The following GAS7 variants were observed in gnomAD, a reference collection of about 807,000 sequenced individuals.
GAS7 encodes growth arrest-specific protein 7.
A neutral mutation model predicts 71.1 loss-of-function variants in GAS7; 28 were observed. That is an observed-to-expected ratio of 0.39 (90% CI 0.29 to 0.54). The LOEUF is 0.54. GAS7 is among the 20% of genes least tolerant of loss of function. GAS7 has a pLI of 0.62. For synonymous variants in GAS7, 258 were observed against 245.8 expected (o/e 1.05, Z -0.46); for missense variants, 436 against 627.8 (o/e 0.69, Z 3.27).
intron 1 of GAS7, among the ~76,000 whole-genome samples, chr17:10,095,454 G>C (rs890767599): frequency 1.3e-5 from 2 of 152,084 alleles, no homozygotes; most frequent in Non-Finnish European, 2.9e-5. Context: ...GAGTCACCAC[G>C]GCTGGCCTGT....
chr17:10,056,582 G>A (rs776468352), intron 1 of GAS7, among the ~76,000 whole-genome samples: 8 of 151,732 alleles, frequency 5.3e-5, no homozygotes, highest in South Asian at 2.1e-4. Context: ...TAAAATATCC[G>A]TCAAATGGGC....
chr17:10,006,581 G>A (rs1355132226), intron 2 of GAS7, among the ~76,000 whole-genome samples: 5 of 151,820 alleles, frequency 3.3e-5, no homozygotes, highest in South Asian at 2.1e-4. Context: ...CACCTGCCTC[G>A]GCCTCCCAAA....
At chr17:10,060,946 A>G (rs941203477) in intron 1 of GAS7, among the ~76,000 whole-genome samples, 3 of 152,316 alleles carry the variant, frequency 2.0e-5, no homozygotes, top group Admixed American at 2.0e-4. Context: ...GAGTGAGTGC[A>G]TTAGCTCCCT....
chr17:10,186,810 C>T (rs1176125239), intron 1 of GAS7, among the ~76,000 whole-genome samples: 3 of 152,094 alleles, frequency 2.0e-5, no homozygotes, highest in African/African-American at 7.2e-5. Context: ...ATCACTTGAA[C>T]CCGGGAGGCA....
intron 1 of GAS7, among the ~76,000 whole-genome samples, chr17:10,190,267 C>T (rs1180067594): frequency 1.3e-5 from 2 of 152,246 alleles, no homozygotes; most frequent in East Asian, 1.9e-4. Flanking sequence ...TTTGCCAACG[C>T]AAGTTAAGAA....
chr17:10,097,939 G>A lies in GAS7; in HGVS notation c.184-78042C>T, dbSNP rs1020767546. 3.3e-5 allele frequency among the ~76,000 whole-genome samples: 5 copies of A among 151,988 alleles called. 1 individual carries two copies. Among genetic ancestry groups the A allele is most frequent in the African/African-American group, 1.2e-4 (5 of 41,364 alleles). On this transcript the variant is annotated intron_variant, in intron 1 of 13. Coordinates refer to ENST00000432992, the MANE Select transcript of GAS7 (RefSeq NM_201433.2). ...GGCGACTGTAATCCCAGCTATTTGG[G>A]AGGCTGAGACAGGAGAATCACTTGA...
chr17:10,078,067 G>A (rs966420329), intron 1 of GAS7, among the ~76,000 whole-genome samples: 13 of 116,180 alleles, frequency 1.1e-4, no homozygotes, highest in Admixed American at 6.0e-4. Flanking sequence ...GTGTGTGTGT[G>A]TGTGTGTGTG....
At chr17:10,122,109 G>A (rs1163007697) in intron 1 of GAS7, among the ~76,000 whole-genome samples, 1 of 152,128 alleles carries the variant, frequency 6.6e-6, no homozygotes, top group African/African-American at 2.4e-5. Context: ...TAAACAGAGG[G>A]AGGACACGAC....
chr17:10,008,767 G>T (rs892569719), intron 2 of GAS7, among the ~76,000 whole-genome samples: 11 of 149,298 alleles, frequency 7.4e-5, no homozygotes, highest in African/African-American at 2.2e-4. Context: ...TTAGGCTGGC[G>T]CTCTCTCTCT....
chr17:10,149,779 C>G (rs2074149712), intron 1 of GAS7, among the ~76,000 whole-genome samples: 1 of 152,162 alleles, frequency 6.6e-6, no homozygotes, highest in South Asian at 2.1e-4. Context: ...GAATGAAGTG[C>G]TGATGCATGT....
intron 1 of GAS7, among the ~76,000 whole-genome samples, chr17:10,068,892 T>C (rs972732314): frequency 2.0e-5 from 3 of 152,152 alleles, no homozygotes; most frequent in African/African-American, 7.2e-5. Context: ...AGCAGTCACA[T>C]AGGATGTGCC....
chr17:10,126,987 C>G lies in GAS7; in HGVS notation c.183+71221G>C, dbSNP rs181001159. The stretch of plus-strand genomic sequence containing the variant: ...GAGTCTAGAAACCTGGGTGTGAGTG[C>G]AGGCTGTTTACTGGCCTGAAGGTTG... On this transcript the variant is annotated intron_variant, in intron 1 of 13. Transcript: ENST00000432992. Among the ~76,000 whole-genome samples, 5 of 152,324 alleles carry G rather than the reference C, an allele frequency of 3.3e-5. No homozygotes were observed. In the East Asian group the frequency reaches 9.6e-4, roughly 29 times the overall value.
intron 1 of GAS7, among the ~76,000 whole-genome samples, chr17:10,054,225 G>A (rs2073103579): frequency 6.6e-6 from 1 of 151,922 alleles, no homozygotes; most frequent in East Asian, 1.9e-4. Flanking sequence ...TGGGTGCGGG[G>A]AATATTTCCT....
chr17:9,975,009 C>G (rs2070130165), intron 3 of GAS7, among the ~76,000 whole-genome samples: 1 of 152,194 alleles, frequency 6.6e-6, no homozygotes, highest in Non-Finnish European at 1.5e-5. Flanking sequence ...GTAGGTCTGG[C>G]CTAATTTCTC....
chr17:10,005,733 C>A (rs1023307133), intron 2 of GAS7, among the ~76,000 whole-genome samples: 7 of 152,176 alleles, frequency 4.6e-5, no homozygotes, highest in African/African-American at 1.7e-4. Context: ...GACAATCCAG[C>A]AAGTGACATC....
chr17:10,132,022 C>A (rs9889529), intron 1 of GAS7, among the ~76,000 whole-genome samples: 2,591 of 152,092 alleles, frequency 0.017, 71 homozygotes, highest in African/African-American at 0.059. Flanking sequence ...AAAACGTACT[C>A]ATGAACATAT....
chr17:9,922,134 A>G (rs980865901), intron 11 of GAS7, among the ~76,000 whole-genome samples: 1 of 152,144 alleles, frequency 6.6e-6, no homozygotes, highest in South Asian at 2.1e-4. Context: ...AAATATGTAA[A>G]GCACTTAGAA....
chr17:9,985,431 G>A (rs977159283), intron 2 of GAS7, among the ~76,000 whole-genome samples: 3 of 152,070 alleles, frequency 2.0e-5, no homozygotes, highest in Admixed American at 2.0e-4. Context: ...CTCTAAATAC[G>A]CCTTTCCCGT....
intron 1 of GAS7, among the ~76,000 whole-genome samples, chr17:10,080,078 G>C (rs544669177): frequency 4.2e-4 from 64 of 152,272 alleles, no homozygotes; most frequent in Non-Finnish European, 7.4e-4. Context: ...GGATGAGATA[G>C]GAGGTGGCCA....
Sources: gnomAD v4.1 joint callset for allele counts (sites outside exome capture counted in the v4.1 genomes callset) on GRCh38, gnomAD v4.1.1 for gene constraint, MANE v1.5 for transcripts, NCBI Gene and HGNC (gene_info 2026-07-23, HGNC 2026-07-21) for gene names.